The following TAFA4 variants were observed in gnomAD, a reference collection of about 807,000 sequenced individuals.
TAFA4 encodes the protein TAFA chemokine like family member 4.
Under a neutral mutation model 21.1 loss-of-function variants are expected in TAFA4, and 20 were observed. The ratio of observed to expected loss-of-function variants is 0.95; its 90% CI spans 0.67 to 1.38. The LOEUF (loss-of-function observed/expected upper bound fraction) is 1.38. Ranked by LOEUF, TAFA4 falls within the 40% of genes most tolerant of loss-of-function variation. The probability of loss-of-function intolerance (pLI) is 0.00; values close to 1 mark genes in which losing one functional copy is unlikely to be tolerated. For missense variants in TAFA4, 211 were observed against 180.9 expected (o/e 1.17, Z -0.95); for synonymous variants, 71 against 67.4 (o/e 1.05, Z -0.26).
intron 3 of TAFA4, among the ~76,000 whole-genome samples, chr3:68,755,921 G>T (rs1702652151): frequency 6.6e-6 from 1 of 152,190 alleles, no homozygotes; most frequent in African/African-American, 2.4e-5. Context: ...TTCATCATCT[G>T]TCCTGGGGAA....
intron 3 of TAFA4, among the ~76,000 whole-genome samples, chr3:68,754,730 T>C (rs1702626339): frequency 6.6e-6 from 1 of 152,208 alleles, no homozygotes; most frequent in African/African-American, 2.4e-5. Context: ...CTACTAGTTT[T>C]AGTACCCATT....
intron 1 of TAFA4, among the ~76,000 whole-genome samples, chr3:68,914,525 G>A (rs552825029): frequency 1.3e-5 from 2 of 152,100 alleles, no homozygotes; most frequent in South Asian, 4.2e-4. Flanking sequence ...GACCTTATGT[G>A]TAAAGTTAGT....
chr3:68,832,186 C>T (rs763321355), intron 3 of TAFA4, among the ~76,000 whole-genome samples: 24 of 152,156 alleles, frequency 1.6e-4, no homozygotes, highest in East Asian at 3.9e-4. Flanking sequence ...TCTGTCAACT[C>T]GTCAAACTCA....
At chr3:68,857,323 A>G (rs987726115) in intron 3 of TAFA4, among the ~76,000 whole-genome samples, 6 of 152,162 alleles carry the variant, frequency 3.9e-5, no homozygotes, top group Non-Finnish European at 7.4e-5. Context: ...TGGCCTGCTG[A>G]TTTGCTAAGT....
chr3:68,748,480 T>C (rs892204426), intron 4 of TAFA4, among the ~76,000 whole-genome samples: 19 of 152,188 alleles, frequency 1.2e-4, no homozygotes, highest in East Asian at 3.9e-4. Flanking sequence ...CGGTGGCTCA[T>C]GCCTGTAATC....
chr3:68,769,490 G>C (rs1435711558), intron 3 of TAFA4, among the ~76,000 whole-genome samples: 2 of 152,160 alleles, frequency 1.3e-5, no homozygotes, highest in African/African-American at 4.8e-5. Context: ...AAAGGTTGGG[G>C]ACCACTGTTC....
intron 1 of TAFA4, among the ~76,000 whole-genome samples, chr3:68,927,584 GT>G (rs2090120473): frequency 6.6e-6 from 1 of 152,144 alleles, no homozygotes; most frequent in African/African-American, 2.4e-5. Context: ...AAAGCTTAGT[GT>G]TTTCTCTTTG....
intron 3 of TAFA4, among the ~76,000 whole-genome samples, chr3:68,857,762 G>T (rs1314814936): frequency 6.7e-6 from 1 of 150,086 alleles, no homozygotes; most frequent in Non-Finnish European, 1.5e-5. Flanking sequence ...GATTTCACTG[G>T]ACATGGCTTT....
chr3:68,815,356 T>C (rs1703947320), intron 3 of TAFA4, among the ~76,000 whole-genome samples: 1 of 152,100 alleles, frequency 6.6e-6, no homozygotes, highest in South Asian at 2.1e-4. Flanking sequence ...CAAAAGAAAC[T>C]ACCATCAGAG....
intron 3 of TAFA4, among the ~76,000 whole-genome samples, chr3:68,763,772 G>T (rs1702799260): frequency 6.6e-6 from 1 of 151,386 alleles, no homozygotes; most frequent in Non-Finnish European, 1.5e-5. Flanking sequence ...TAGATTTGAA[G>T]GTTCATAATA....
At chr3:68,749,386 T>A (rs1293109816) in intron 4 of TAFA4, among the ~76,000 whole-genome samples, 1 of 152,216 alleles carries the variant, frequency 6.6e-6, no homozygotes, top group African/African-American at 2.4e-5. Context: ...TAAATGTAAA[T>A]TCAGGTAAAT....
chr3:68,809,038 AC>A (rs1394775431), intron 3 of TAFA4, among the ~76,000 whole-genome samples: 1 of 152,228 alleles, frequency 6.6e-6, no homozygotes, highest in African/African-American at 2.4e-5. Flanking sequence ...ACATGATCAA[AC>A]ATGTCAATGA....
rs190912294 is a variant in TAFA4, at chr3:68,918,920, A to T, written c.-123+13320T>A. 3.3e-4 allele frequency among the ~76,000 whole-genome samples: 50 copies of T among 150,092 alleles called. No individual in the cohort carries two copies. The East Asian group carries it at 7.4e-3, about 22-fold the overall frequency. On this transcript the variant is annotated intron_variant, in intron 1 of 5. Coordinates refer to ENST00000295569, the MANE Select transcript of TAFA4 (RefSeq NM_182522.5). ...CAAATTGCAATTCACTTTGTTTTTT[A>T]AAAATACCATATACACAGACATATA...
At chr3:68,885,057 C>CA (rs752926713) in intron 2 of TAFA4, 118 bp downstream of exon 2, 5 of 939,910 alleles carry the variant, frequency 5.3e-6, no homozygotes, top group African/African-American at 5.0e-5. Flanking sequence ...CCCAAATTCC[C>CA]AAAAAGTGTA....
intron 3 of TAFA4, among the ~76,000 whole-genome samples, chr3:68,757,622 C>T (rs1458272794): frequency 6.6e-6 from 1 of 152,178 alleles, no homozygotes; most frequent in African/African-American, 2.4e-5. Flanking sequence ...GCTATATAAC[C>T]ATCCACAAGT....
intron 3 of TAFA4, among the ~76,000 whole-genome samples, chr3:68,784,275 G>C (rs1217428571): frequency 6.6e-6 from 1 of 152,224 alleles, no homozygotes; most frequent in East Asian, 1.9e-4. Flanking sequence ...TAAAATACTA[G>C]TGTGTCCGGA....
intron 1 of TAFA4, among the ~76,000 whole-genome samples, chr3:68,888,122 A>T (rs1042929197): frequency 1.3e-5 from 2 of 152,106 alleles, no homozygotes; most frequent in Non-Finnish European, 2.9e-5. Flanking sequence ...CACATATACT[A>T]GATCATTGCT....
intron 3 of TAFA4, among the ~76,000 whole-genome samples, chr3:68,826,167 C>T (rs926290797): frequency 1.6e-4 from 24 of 152,216 alleles, no homozygotes; most frequent in South Asian, 4.1e-4. Flanking sequence ...CCTAAGAACA[C>T]TGGACCTGCA....
intron 3 of TAFA4, among the ~76,000 whole-genome samples, chr3:68,812,902 C>A (rs1445506637): frequency 2.6e-5 from 4 of 152,100 alleles, no homozygotes; most frequent in African/African-American, 7.2e-5. Context: ...ACACCTATTC[C>A]AAAATTGACC....
Sources: gnomAD v4.1 joint callset for allele counts (sites outside exome capture counted in the v4.1 genomes callset) on GRCh38, gnomAD v4.1.1 for gene constraint, MANE v1.5 for transcripts, NCBI Gene and HGNC (gene_info 2026-07-23, HGNC 2026-07-21) for gene names.